The following DOCK4 variants were observed in gnomAD, a reference collection of about 807,000 sequenced individuals.
DOCK4 encodes dedicator of cytokinesis protein 4.
DOCK4 carries 97 observed loss-of-function variants against 268.1 expected under a neutral mutation model. The observed-to-expected ratio is 0.36, with a 90% CI of 0.31 to 0.43. The LOEUF is 0.43. DOCK4 is among the 20% of genes least tolerant of loss of function. DOCK4 has a pLI of 1.00. For synonymous variants in DOCK4, 954 were observed against 887.2 expected, an observed-to-expected ratio of 1.08 and a Z score of -1.34; for missense variants, 2,145 against 2,455.7, an observed-to-expected ratio of 0.87 and a Z score of 2.67.
At chr7:111,738,963 G>A (rs970598876) in intron 49 of DOCK4, among the ~76,000 whole-genome samples, 171 bp downstream of exon 49, 20 of 152,130 alleles carry the variant, frequency 1.3e-4, no homozygotes, top group African/African-American at 4.6e-4. Flanking sequence ...GATGGCTCAG[G>A]CAGAAATTTC....
intron 12 of DOCK4, among the ~76,000 whole-genome samples, chr7:111,924,532 A>G (rs1793437616): frequency 2.0e-5 from 3 of 152,168 alleles, no homozygotes; most frequent in Non-Finnish European, 4.4e-5. Context: ...GATGTGATAT[A>G]AGTTTCACCA....
rs146560020 is a variant in DOCK4, at chr7:111,792,060, G to A, written c.3167-1455C>T. Among the ~76,000 whole-genome samples the A allele has an allele frequency of 4.8e-3, 728 of 152,334 alleles. 11 individuals are homozygous for A. Among genetic ancestry groups the A allele is most frequent in the Non-Finnish European group, 6.7e-3 (455 of 68,034 alleles). On this transcript the variant is annotated intron_variant, in intron 30 of 52. Transcript: ENST00000428084. ...AGGAAAGGAAGGTGGGGAATGGTAT[G>A]GACACAGATGATTTCATGTAGCAGG... is the stretch of plus-strand genomic sequence containing the variant.
chr7:111,880,313 C>T (rs1019067363), intron 16 of DOCK4, among the ~76,000 whole-genome samples: 4 of 152,024 alleles, frequency 2.6e-5, no homozygotes, highest in African/African-American at 7.2e-5. Context: ...GAAAAACAAA[C>T]AAAACAAAAC....
Position 111,727,270 on chromosome 7 carries a change from T to C in DOCK4, c.*1004A>G, listed in dbSNP as rs1324224748. 1 of 152,596 alleles carries C rather than the reference T, an allele frequency of 6.6e-6. No homozygotes were observed. The highest frequency in any genetic ancestry group is 1.5e-5 in the Non-Finnish European group (1 of 68,012). The allele number at this position is 152,596 out of a possible 1,614,324, so 9.5% of individuals were successfully genotyped here. A position where few individuals can be genotyped will look rare whatever the true frequency, so the allele number is the denominator to read the frequency against. On this transcript the variant is annotated 3_prime_UTR_variant, in exon 53 of 53. Transcript: ENST00000428084. ...GGTAAAAGTGGAGAGTCGTGAGGAA[T>C]TTTTTATTTTGTGCAGGACTGAAAG...
At position 111,728,286 on chromosome 7, in the gene DOCK4, G is replaced by A; in HGVS notation, c.5916C>T (p.Val1972=). 2.7e-6 allele frequency: 4 copies of A among 1,495,968 alleles called. No individual in the cohort carries two copies. The highest frequency in any genetic ancestry group is 1.4e-5 in the South Asian group (1 of 71,376). 92.7% of individuals were successfully genotyped at this position (1,495,968 alleles called of 1,614,324 possible). The change falls in exon 53 of 53, where the codon GTC becomes GTT. Residue 1972 remains valine, a synonymous_variant. Coordinates refer to ENST00000428084, the MANE Select transcript of DOCK4 (RefSeq NM_001363540.2). ...GPRPRPLPRK[V]SQL ...ATAGAAAAGTGACTTATAACTGAGA[G>A]ACCTTGCGGGGCAGGGGCCTGGGCC...
intron 28 of DOCK4, among the ~76,000 whole-genome samples, chr7:111,811,644 G>A (rs1801141466): frequency 6.6e-6 from 1 of 152,030 alleles, no homozygotes; most frequent in South Asian, 2.1e-4. Context: ...ACAGAAAAGA[G>A]CAAGAATTAA....
At position 112,086,052 on chromosome 7, in the gene DOCK4, T is replaced by C. The variant is rs191610411; in HGVS notation, c.38-81921A>G. ...ATTTGGTTAAAAAAATCCTCGGAAA[T>C]GTATACTGGAGTATTTTGAGGTAAT... On this transcript the variant is annotated intron_variant, in intron 1 of 52. Transcript: ENST00000428084. 1.4e-3 allele frequency among the ~76,000 whole-genome samples: 216 copies of C among 152,222 alleles called. 2 individuals carry two copies. The highest frequency in any genetic ancestry group is 2.5e-3 in the East Asian group (13 of 5,176).
intron 42 of DOCK4, among the ~76,000 whole-genome samples, chr7:111,753,863 C>A (rs1467141892): frequency 6.6e-6 from 1 of 152,120 alleles, no homozygotes; most frequent in African/African-American, 2.4e-5. Context: ...TTGATTTGTT[C>A]CATTTGACAG....
At chr7:111,738,955 T>C (rs1585832668) in intron 49 of DOCK4, among the ~76,000 whole-genome samples, 179 bp downstream of exon 49, 1 of 149,568 alleles carries the variant, frequency 6.7e-6, no homozygotes. Flanking sequence ...AAAAAAAAGA[T>C]GGCTCAGGCA....
chr7:111,776,404 A>G (rs1021430123), intron 36 of DOCK4, among the ~76,000 whole-genome samples: 1 of 152,230 alleles, frequency 6.6e-6, no homozygotes, highest in Non-Finnish European at 1.5e-5. Context: ...TAACAAAAAT[A>G]AACGTCTCAC....
chr7:112,108,052 A>G (rs1342824185), intron 1 of DOCK4, among the ~76,000 whole-genome samples: 7 of 152,232 alleles, frequency 4.6e-5, no homozygotes, highest in Non-Finnish European at 8.8e-5. Context: ...TAGAGCTACT[A>G]AAGTTTCTTA....
chr7:112,176,658 T>C (rs1818536886), intron 1 of DOCK4, among the ~76,000 whole-genome samples: 2 of 152,238 alleles, frequency 1.3e-5, no homozygotes, highest in Non-Finnish European at 2.9e-5. Context: ...CATTAATTTT[T>C]ACTCCCCAGA....
At chr7:111,992,961 C>G (rs552528957) in intron 5 of DOCK4, among the ~76,000 whole-genome samples, 34 of 152,138 alleles carry the variant, frequency 2.2e-4, no homozygotes, top group Non-Finnish European at 4.7e-4. Flanking sequence ...CTTTGCACTT[C>G]CCTAGCACAG....
intron 23 of DOCK4, among the ~76,000 whole-genome samples, chr7:111,851,958 CTTTTTTTTT>C (rs35969396): frequency 8.0e-6 from 1 of 124,962 alleles, no homozygotes; most frequent in Non-Finnish European, 1.6e-5. Context: ...TCTCTCCTTC[CTTTTTTTTT>C]TTTTTTTTTT....
At chr7:111,994,086 TA>T in intron 5 of DOCK4, 48 bp downstream of exon 5, 1 of 1,296,026 alleles carries the variant, frequency 7.7e-7, no homozygotes, top group Non-Finnish European at 1.1e-6. Flanking sequence ...ATGTATTTCT[TA>T]AAACAATTCT....
chr7:112,184,191 A>G lies in DOCK4; in HGVS notation c.37+21911T>C, dbSNP rs528868282. ...GAGTTTCTAAGCTTTGTGAGATCTG[A>G]AAACCTTCCACACTCCAACGTAGAC... On this transcript the variant is annotated intron_variant, in intron 1 of 52. Coordinates refer to ENST00000428084, the MANE Select transcript of DOCK4 (RefSeq NM_001363540.2). Among the ~76,000 whole-genome samples, 3 of 152,326 alleles carry G rather than the reference A, an allele frequency of 2.0e-5. 1 individual carries two copies. The South Asian group carries it at 6.2e-4, about 32-fold the overall frequency.
chr7:111,858,890 T>C (rs1563601734), intron 23 of DOCK4, among the ~76,000 whole-genome samples: 1 of 151,924 alleles, frequency 6.6e-6, no homozygotes, highest in Non-Finnish European at 1.5e-5. Flanking sequence ...TGGAGAAATC[T>C]GACTAATACA....
In DOCK4 at chr7:111,759,070, T is replaced by TTGTG. The variant is rs1430983375; in HGVS notation, c.4163-284_4163-281dup. ...ACCTATGAATTTAGATATCACTAAC[T>TTGTG]TGTGTGTGTGTATGTGTGTGTAGGT... On this transcript the variant is annotated intron_variant, in intron 40 of 52. Coordinates refer to ENST00000428084, the MANE Select transcript of DOCK4 (RefSeq NM_001363540.2). Among the ~76,000 whole-genome samples, 1,471 of 152,140 alleles carry TTGTG rather than the reference T, an allele frequency of 9.7e-3. 31 individuals are homozygous for TTGTG. Among genetic ancestry groups the TTGTG allele is most frequent in the African/African-American group, 0.034 (1,392 of 41,476 alleles).
intron 30 of DOCK4, among the ~76,000 whole-genome samples, chr7:111,796,340 G>C (rs1368621815): frequency 6.6e-6 from 1 of 152,136 alleles, no homozygotes; most frequent in Non-Finnish European, 1.5e-5. Flanking sequence ...CTCTCTCAAG[G>C]TTTCAACAAA....
Sources: gnomAD v4.1 joint callset for allele counts (sites outside exome capture counted in the v4.1 genomes callset) on GRCh38, gnomAD v4.1.1 for gene constraint, MANE v1.5 for transcripts, NCBI Gene and HGNC (gene_info 2026-07-23, HGNC 2026-07-21) for gene names.